Variants in UNC13C observed in about 807,000 individuals in gnomAD.
UNC13C encodes unc-13 homolog C.
A neutral mutation model predicts 245.4 loss-of-function variants in UNC13C; 174 were observed. The observed-to-expected ratio is 0.71, with a 90% CI of 0.63 to 0.80. The LOEUF (loss-of-function observed/expected upper bound fraction) is 0.80. UNC13C is among the 30% of genes least tolerant of loss of function. UNC13C has a pLI of 0.00. For missense variants in UNC13C, 2,829 were observed against 2,602.9 expected (o/e 1.09, Z -1.89); for synonymous variants, 992 against 895.1 (o/e 1.11, Z -1.93).
intron 1 of UNC13C, among the ~76,000 whole-genome samples, chr15:54,007,046 T>C (rs1895170717): frequency 6.6e-6 from 1 of 152,242 alleles, no homozygotes; most frequent in African/African-American, 2.4e-5. Context: ...AAGAATTTAC[T>C]GTTGAACAGA....
chr15:53,972,992 T>C, the UNC13C span, among the ~76,000 whole-genome samples: 4 of 152,040 alleles, frequency 2.6e-5, no homozygotes, highest in African/African-American at 4.8e-5. Context: ...ATTAAGATTA[T>C]AGTTTTCATT....
At chr15:53,958,779 C>A in the UNC13C span, among the ~76,000 whole-genome samples, 1 of 152,202 alleles carries the variant, frequency 6.6e-6, no homozygotes, top group Admixed American at 6.5e-5. Context: ...TCCATTATCT[C>A]AAACATTTAT....
the UNC13C span, among the ~76,000 whole-genome samples, chr15:53,945,757 A>T: frequency 6.6e-6 from 1 of 152,126 alleles, no homozygotes. Flanking sequence ...TGAATTTTAA[A>T]ATACTTTTTT....
chr15:54,377,700 C>T (rs2039636061), intron 17 of UNC13C, among the ~76,000 whole-genome samples: 1 of 152,178 alleles, frequency 6.6e-6, no homozygotes, highest in Non-Finnish European at 1.5e-5. Flanking sequence ...ATAGCACAGT[C>T]TTTCTGTGTC....
At chr15:53,992,326 C>T (rs1337418533) in intron 1 of UNC13C, among the ~76,000 whole-genome samples, 2 of 152,062 alleles carry the variant, frequency 1.3e-5, no homozygotes, top group African/African-American at 4.8e-5. Flanking sequence ...CCTTTCTCCT[C>T]TCTTAACAGA....
At chr15:54,089,581 T>A (rs1334827803) in intron 2 of UNC13C, among the ~76,000 whole-genome samples, 1 of 152,094 alleles carries the variant, frequency 6.6e-6, no homozygotes, top group Admixed American at 6.6e-5. Flanking sequence ...GAGAAAAATA[T>A]GGCCTTCCCA....
At chr15:54,156,281 C>T (rs1056700372) in intron 4 of UNC13C, among the ~76,000 whole-genome samples, 9 of 152,140 alleles carry the variant, frequency 5.9e-5, no homozygotes, top group African/African-American at 2.2e-4. Flanking sequence ...ACTCTGTCAA[C>T]CATGATAAGC....
intron 19 of UNC13C, among the ~76,000 whole-genome samples, chr15:54,424,706 C>T (rs1312612275): frequency 1.3e-5 from 2 of 151,466 alleles, no homozygotes; most frequent in African/African-American, 4.8e-5. Flanking sequence ...TTGGCAAAAA[C>T]AATAGAATTA....
At chr15:54,283,296 T>A (rs55891019) in intron 10 of UNC13C, among the ~76,000 whole-genome samples, 3,841 of 152,196 alleles carry the variant, frequency 0.025, 158 homozygotes, top group African/African-American at 0.088. Context: ...CATAAAACGA[T>A]GTATATATCC....
chr15:54,362,374 G>C (rs2039253712), intron 17 of UNC13C, among the ~76,000 whole-genome samples: 1 of 152,170 alleles, frequency 6.6e-6, no homozygotes, highest in Non-Finnish European at 1.5e-5. Flanking sequence ...GGAGGGAGCA[G>C]CACAGACTAA....
chr15:54,078,857 T>C (rs1898780054), intron 2 of UNC13C, among the ~76,000 whole-genome samples: 1 of 152,104 alleles, frequency 6.6e-6, no homozygotes, highest in South Asian at 2.1e-4. Context: ...GCATTTACTT[T>C]TGAAGTCTTA....
the UNC13C span, among the ~76,000 whole-genome samples, chr15:53,870,509 G>A: frequency 4.6e-5 from 7 of 150,866 alleles, no homozygotes; most frequent in African/African-American, 1.5e-4. Flanking sequence ...AGAGCAACAA[G>A]GCAGAAGAGT....
chr15:54,259,898 T>G (rs2036380806), intron 8 of UNC13C, among the ~76,000 whole-genome samples: 2 of 152,176 alleles, frequency 1.3e-5, no homozygotes, highest in Admixed American at 1.3e-4. Context: ...TTCCACAGGA[T>G]ATTTATCATT....
chr15:54,184,244 T>C (rs930864129), intron 4 of UNC13C, among the ~76,000 whole-genome samples: 1 of 151,892 alleles, frequency 6.6e-6, no homozygotes, highest in Non-Finnish European at 1.5e-5. Flanking sequence ...ATTTGCTTTG[T>C]AGTTTATTTT....
At chr15:54,517,685 G>A (rs949405817) in intron 24 of UNC13C, among the ~76,000 whole-genome samples, 1 of 152,104 alleles carries the variant, frequency 6.6e-6, no homozygotes, top group Non-Finnish European at 1.5e-5. Context: ...TTTATTTGCT[G>A]AGCACTTGTT....
At chr15:54,575,186 C>T (rs1001581502) in intron 30 of UNC13C, among the ~76,000 whole-genome samples, 3 of 152,136 alleles carry the variant, frequency 2.0e-5, no homozygotes, top group Non-Finnish European at 2.9e-5. Flanking sequence ...CAGGTGCCCG[C>T]CACCACACCC....
At chr15:54,453,264 T>G (rs1891285598) in intron 19 of UNC13C, among the ~76,000 whole-genome samples, 1 of 152,202 alleles carries the variant, frequency 6.6e-6, no homozygotes, top group African/African-American at 2.4e-5. Flanking sequence ...CCTGCACTGT[T>G]GAGTCTCACT....
chr15:54,349,673 T>C (rs974178674), intron 17 of UNC13C, among the ~76,000 whole-genome samples: 2 of 152,210 alleles, frequency 1.3e-5, no homozygotes, highest in Non-Finnish European at 2.9e-5. Context: ...GGAACCTTCA[T>C]GCACTTTCAG....
chr15:54,055,129 G>A (rs1359824051), intron 2 of UNC13C, among the ~76,000 whole-genome samples: 1 of 152,156 alleles, frequency 6.6e-6, no homozygotes, highest in Non-Finnish European at 1.5e-5. Flanking sequence ...AAATTGATTA[G>A]ATAAAACTTA....
Sources: allele counts gnomAD v4.1 joint callset (sites outside exome capture counted in the v4.1 genomes callset), GRCh38; gene constraint gnomAD v4.1.1; transcripts MANE v1.5; gene names NCBI Gene and HGNC (gene_info 2026-07-23, HGNC 2026-07-21).